CEP135: variants seen among roughly 807,000 people sequenced by gnomAD.
CEP135 encodes the protein centrosomal protein of 135 kDa.
In CEP135, 142 loss-of-function variants were observed where a neutral mutation model predicts 157.3. The observed-to-expected ratio is 0.90, with a 90% CI of 0.79 to 1.04. The LOEUF (loss-of-function observed/expected upper bound fraction) is 1.04, where lower values mean the gene tolerates loss of function less well. CEP135 is among the 50% of genes least tolerant of loss of function. The pLI is 0.00. For synonymous variants in CEP135, 396 were observed against 439.8 expected (o/e 0.90, Z 1.25); for missense variants, 1,317 against 1,309.2 (o/e 1.01, Z -0.09).
chr4:56,008,420 G>T, intron 18 of CEP135, 38 bp downstream of exon 18: 1 of 1,477,106 alleles, frequency 6.8e-7, no homozygotes, highest in Non-Finnish European at 9.4e-7. Context: ...CTTTTTAGGA[G>T]ATTTTCAGTG....
In CEP135 at chr4:55,975,643, G is replaced by T. The variant is rs1169634938; in HGVS notation, c.1473+674G>T. Among the ~76,000 whole-genome samples, 3 of 152,136 alleles carry T rather than the reference G, an allele frequency of 2.0e-5. No homozygotes were observed. The South Asian group carries it at 6.2e-4, about 32-fold the overall frequency. ...CTTAATTATTTTTAGTGTTTTATGA[G>T]TATCATTTGAGTTCTTCAGATTTTT... On this transcript the variant is annotated intron_variant, in intron 11 of 25. Coordinates refer to ENST00000257287, the MANE Select transcript of CEP135 (RefSeq NM_025009.5).
Position 55,949,041 on chromosome 4 carries a change from AC to A in CEP135, c.-63del, listed in dbSNP as rs1244521688. 1 of 153,518 alleles carries A rather than the reference AC, an allele frequency of 6.5e-6. No homozygotes were observed. Among genetic ancestry groups the A allele is most frequent in the African/African-American group, 2.4e-5 (1 of 41,470 alleles). The allele number at this position is 153,518 out of a possible 1,614,324, so 9.5% of individuals were successfully genotyped here. ...GGCAATGCGGCTGGAGGCGGAGGCA[AC>A]GGCGGCTGGAGCTGCCGGTGAGTCC... On this transcript the variant is annotated 5_prime_UTR_variant, in exon 1 of 26. It removes the in-frame stop codon of an upstream open reading frame in the 5' UTR. Transcript: ENST00000257287.
chr4:55,969,478 T>G (rs1728953300), intron 9 of CEP135, among the ~76,000 whole-genome samples: 1 of 151,964 alleles, frequency 6.6e-6, no homozygotes, highest in African/African-American at 2.4e-5. Context: ...TTTGTTTTAT[T>G]GCTCAGCTCC....
At chr4:55,987,579 C>T (rs1172632294) in intron 14 of CEP135, among the ~76,000 whole-genome samples, 1 of 152,170 alleles carries the variant, frequency 6.6e-6, no homozygotes, top group Non-Finnish European at 1.5e-5. Flanking sequence ...GGTCACCGGT[C>T]ATCATTGCCT....
intron 21 of CEP135, among the ~76,000 whole-genome samples, chr4:56,014,376 G>A (rs1433060565): frequency 6.6e-6 from 1 of 152,196 alleles, no homozygotes; most frequent in Non-Finnish European, 1.5e-5. Context: ...ATAGGGACAT[G>A]AAAGGCAATT....
intron 6 of CEP135, among the ~76,000 whole-genome samples, chr4:55,963,614 C>T (rs1409509576): frequency 1.3e-5 from 2 of 152,116 alleles, no homozygotes; most frequent in Admixed American, 6.5e-5. Context: ...GGCGTGGTGG[C>T]ACATACCTGT....
At chr4:56,021,760 C>G (rs1405220773) in intron 24 of CEP135, among the ~76,000 whole-genome samples, 1 of 152,194 alleles carries the variant, frequency 6.6e-6, no homozygotes, top group East Asian at 1.9e-4. Context: ...CTTGGTGGCT[C>G]ATGCCTGCAA....
intron 24 of CEP135, 149 bp downstream of exon 24, chr4:56,020,929 A>G: frequency 1.8e-6 from 1 of 562,474 alleles, no homozygotes; most frequent in Non-Finnish European, 3.1e-6. Flanking sequence ...CTTTTAAAAA[A>G]GGCAACAAGT....
chr4:55,991,485 G>A (rs1035589609), intron 14 of CEP135, among the ~76,000 whole-genome samples: 3 of 151,828 alleles, frequency 2.0e-5, no homozygotes, highest in African/African-American at 7.3e-5. Context: ...TGTGTTGCCT[G>A]TACATTATGT....
chr4:55,964,458 A>G, intron 7 of CEP135, 56 bp downstream of exon 7: 2 of 1,413,410 alleles, frequency 1.4e-6, no homozygotes, highest in Non-Finnish European at 9.7e-7. Context: ...TATAATAAAC[A>G]CTATATGTTT....
chr4:56,012,100 C>A, intron 21 of CEP135, 115 bp downstream of exon 21: 1 of 679,858 alleles, frequency 1.5e-6, no homozygotes, highest in Non-Finnish European at 2.2e-6. Flanking sequence ...CTCTGTTGCC[C>A]AGGCTGGAGT....
chr4:55,989,927 T>C (rs1214286479), intron 14 of CEP135, among the ~76,000 whole-genome samples: 4 of 152,206 alleles, frequency 2.6e-5, no homozygotes, highest in African/African-American at 9.6e-5. Flanking sequence ...CCAGATATGA[T>C]GGAGCTCAGC....
rs184823904 is a variant in CEP135 at position 55,975,157 on chromosome 4, A to G, written c.1473+188A>G. Among the ~76,000 whole-genome samples the G allele has an allele frequency of 2.7e-3, 414 of 152,346 alleles. 5 individuals carry two copies. Among genetic ancestry groups the G allele is most frequent in the Middle Eastern group, 0.014 (4 of 294 alleles). On this transcript the variant is annotated intron_variant, in intron 11 of 25. Transcript: ENST00000257287. ...TAGGAAAATTACTTAAGAACAAACTATAACATATAGATGACTGGAAATTAA... is the reference window on the plus strand; with the variant it reads ...TAGGAAAATTACTTAAGAACAAACTGTAACATATAGATGACTGGAAATTAA...
intron 21 of CEP135, among the ~76,000 whole-genome samples, chr4:56,012,485 A>T (rs1730622249): frequency 6.6e-6 from 1 of 152,180 alleles, no homozygotes; most frequent in Non-Finnish European, 1.5e-5. Context: ...CATACATCAA[A>T]TTTCCCATTT....
At chr4:55,986,264 T>G (rs571372140) in intron 14 of CEP135, among the ~76,000 whole-genome samples, 2 of 152,188 alleles carry the variant, frequency 1.3e-5, no homozygotes, top group Non-Finnish European at 2.9e-5. Context: ...AGGCCAGGCA[T>G]AGTGGCTCAT....
intron 4 of CEP135, 66 bp downstream of exon 4, chr4:55,954,449 A>C: frequency 7.3e-7 from 1 of 1,365,118 alleles, no homozygotes; most frequent in Non-Finnish European, 9.9e-7. Context: ...AACACCATTG[A>C]CTAAAATAGG....
chr4:56,012,870 T>C (rs998151046), intron 21 of CEP135, among the ~76,000 whole-genome samples: 2 of 152,374 alleles, frequency 1.3e-5, no homozygotes. Flanking sequence ...CAAATATATC[T>C]GTTCGGGTGC....
chr4:55,991,764 A>G (rs895767492), intron 14 of CEP135, among the ~76,000 whole-genome samples, 170 bp from the exon 15 acceptor site: 1 of 152,210 alleles, frequency 6.6e-6, no homozygotes, highest in Non-Finnish European at 1.5e-5. Flanking sequence ...AAGAAATTTT[A>G]CACCCATTCT....
chr4:55,982,243 A>T (rs1372009850), intron 13 of CEP135, among the ~76,000 whole-genome samples: 3 of 152,132 alleles, frequency 2.0e-5, no homozygotes, highest in African/African-American at 7.2e-5. Context: ...CATTAGCATA[A>T]TGTTTTCGAG....
Sources: gnomAD v4.1 joint callset for allele counts (sites outside exome capture counted in the v4.1 genomes callset) on GRCh38, gnomAD v4.1.1 for gene constraint, MANE v1.5 for transcripts, NCBI Gene and HGNC (gene_info 2026-07-23, HGNC 2026-07-21) for gene names.